SPATA22: variants seen among roughly 807,000 people sequenced by gnomAD.
SPATA22 encodes the protein spermatogenesis associated 22.
A neutral mutation model predicts 47.8 loss-of-function variants in SPATA22; 29 were observed. The ratio of observed to expected loss-of-function variants is 0.61; its 90% CI spans 0.45 to 0.83. SPATA22 has a LOEUF of 0.83. Among genes scored for constraint, SPATA22 ranks in the 40% least tolerant of loss-of-function variants. The probability of loss-of-function intolerance (pLI) is 0.00; values close to 1 mark genes in which losing one functional copy is unlikely to be tolerated. For missense variants in SPATA22, 410 were observed against 421.7 expected, an observed-to-expected ratio of 0.97 and a Z score of 0.24; for synonymous variants, 133 against 140.9, an observed-to-expected ratio of 0.94 and a Z score of 0.40.
Position 3,465,171 on chromosome 17 carries a change from C to A in SPATA22, c.172+2255G>T, listed in dbSNP as rs1436037373. Among the ~76,000 whole-genome samples the A allele has an allele frequency of 9.1e-4, 123 of 135,448 alleles. 4 individuals are homozygous for A. Among genetic ancestry groups the A allele is most frequent in the African/African-American group, 1.3e-3 (47 of 36,462 alleles). 88.9% of individuals were successfully genotyped at this position (135,448 alleles called of 152,430 possible). A position where few individuals can be genotyped will look rare whatever the true frequency, so the allele number is the denominator to read the frequency against. On this transcript the variant is annotated intron_variant, in intron 3 of 8. Transcript: ENST00000572969. ...GAGGGAGGTGGGGGGGTCAGCCCCCCGCCCGGCCAGCCGCCTCGTCCAGGA... is the reference window on the plus strand; with the variant it reads ...GAGGGAGGTGGGGGGGTCAGCCCCCAGCCCGGCCAGCCGCCTCGTCCAGGA...
At position 3,443,206 on chromosome 17, in the gene SPATA22, T is replaced by C. The variant is rs2072636272; in HGVS notation, c.868A>G (p.Lys290Glu). ...TAAAAGACACAAGGCAGAGTATTTT[T>C]CCCATCCCTCATAAGAAAAGTCTTC... Reference protein sequence around the residue: ...YSKTFLMRDGKNTLPCVFYEI... With the variant: ...YSKTFLMRDGENTLPCVFYEI... Residue 290 changes from lysine to glutamate, a missense_variant, in exon 8 of 9, where the codon AAA (lysine) becomes GAA (glutamate). Physicochemically the swap from Lys to Glu is moderately conservative, Grantham distance 56. Transcript: ENST00000572969. 6.2e-7 allele frequency: 1 copy of C among 1,610,846 alleles called. No homozygotes were observed. Among genetic ancestry groups the C allele is most frequent in the East Asian group, 2.2e-5 (1 of 44,722 alleles).
Position 3,443,163 on chromosome 17 carries a change from A to C in SPATA22, c.900+11T>G, listed in dbSNP as rs754327288. 3 of 1,588,174 alleles carry C rather than the reference A, an allele frequency of 1.9e-6. No individual in the cohort carries two copies. Among genetic ancestry groups the C allele is most frequent in the South Asian group, 2.3e-5 (2 of 88,504 alleles). Reference sequence around the variant, plus strand: ...CATAGGCTTCGCAAAGAGTACTTTAAAAATACTCACGATTTCATAAAAGAC... The same window carrying C: ...CATAGGCTTCGCAAAGAGTACTTTACAAATACTCACGATTTCATAAAAGAC... On this transcript the variant is annotated intron_variant, in intron 8 of 8. Transcript: ENST00000572969.
chr17:3,483,187 A>T (rs1375405084), intron 1 of SPATA22, among the ~76,000 whole-genome samples: 3 of 152,138 alleles, frequency 2.0e-5, no homozygotes, highest in Admixed American at 6.5e-5. Flanking sequence ...GTGATGAAAC[A>T]AAAATCACCA....
At chr17:3,451,273 C>T (rs1373886045) in intron 5 of SPATA22, among the ~76,000 whole-genome samples, 1 of 151,986 alleles carries the variant, frequency 6.6e-6, no homozygotes, top group East Asian at 1.9e-4. Context: ...AAATTGTGAA[C>T]ATATATACAT....
chr17:3,467,584 A>G (rs2073344995), intron 2 of SPATA22, 30 bp from the exon 3 acceptor site: 3 of 1,570,578 alleles, frequency 1.9e-6, no homozygotes, highest in Non-Finnish European at 2.6e-6. Flanking sequence ...AAATTAGTAC[A>G]TAATAGACAA....
intron 1 of SPATA22, among the ~76,000 whole-genome samples, chr17:3,486,282 C>T (rs941488662): frequency 6.6e-6 from 1 of 152,162 alleles, no homozygotes; most frequent in Non-Finnish European, 1.5e-5. Flanking sequence ...GCCCTTTGCT[C>T]CAGGGAAGAC....
intron 1 of SPATA22, among the ~76,000 whole-genome samples, chr17:3,504,891 CCT>C (rs746973747): frequency 7.2e-5 from 11 of 152,208 alleles, no homozygotes; most frequent in African/African-American, 1.4e-4. Context: ...CAACAATTCC[CCT>C]GTTTACAATC....
chr17:3,505,750 T>C (rs373307397), intron 1 of SPATA22, among the ~76,000 whole-genome samples: 1 of 20,670 alleles, frequency 4.8e-5, no homozygotes, highest in East Asian at 4.5e-4. Flanking sequence ...TTGTTTGTTG[T>C]TTTTTGTTTT....
At chr17:3,465,452 T>G (rs1422458631) in intron 3 of SPATA22, among the ~76,000 whole-genome samples, 1 of 152,120 alleles carries the variant, frequency 6.6e-6, no homozygotes, top group Non-Finnish European at 1.5e-5. Flanking sequence ...TCTTCTGCCT[T>G]GGGATCCTGT....
Position 3,443,251 on chromosome 17 carries a change from T to C in SPATA22, c.823A>G (p.Thr275Ala). The C allele has an allele frequency of 6.2e-7, 1 of 1,610,098 alleles. No homozygotes were observed. The highest frequency in any genetic ancestry group is 8.5e-7 in the Non-Finnish European group (1 of 1,177,790). ...EVLAVLDSAV[T>A]PGPYYSKTFL... ...GTCTTCGAATAATATGGGCCAGGTGTAACAGCTGAATCAAGAACAGCTAAG... is the reference window on the plus strand; with the variant it reads ...GTCTTCGAATAATATGGGCCAGGTGCAACAGCTGAATCAAGAACAGCTAAG... The change falls in exon 8 of 9, where the codon ACA becomes GCA. Residue 275 changes from threonine to alanine, a missense_variant. Coordinates refer to ENST00000572969, the MANE Select transcript of SPATA22 (RefSeq NM_001170698.2).
rs910287171 is a variant in SPATA22 at position 3,490,491 on chromosome 17, T to C, written c.-73-21093A>G. Among the ~76,000 whole-genome samples the C allele has an allele frequency of 3.3e-5, 5 of 151,952 alleles. No homozygotes were observed. Among genetic ancestry groups the C allele is most frequent in the Admixed American group, 6.6e-5 (1 of 15,238 alleles). On this transcript the variant is annotated intron_variant, in intron 1 of 8. Transcript: ENST00000541913. This position sits in a 1 kb window ranked among gnomAD's most constrained non-coding sequence, Gnocchi z 4.6. ...TGGGCAATTATAATAACAGAGGGGGTGTGTACTTCGGTGTCTGTGGGGAGT... is the reference window on the plus strand; with the variant it reads ...TGGGCAATTATAATAACAGAGGGGGCGTGTACTTCGGTGTCTGTGGGGAGT...
intron 6 of SPATA22, 53 bp from the exon 7 acceptor site, chr17:3,446,654 A>G (rs1462419159): frequency 4.5e-6 from 6 of 1,342,538 alleles, no homozygotes; most frequent in Middle Eastern, 2.6e-4. Context: ...TTTTTTCATC[A>G]TACTCGTTTA....
upstream of SPATA22, chr17:3,476,053 C>T (rs1443405213): frequency 1.9e-6 from 2 of 1,053,072 alleles, no homozygotes; most frequent in Non-Finnish European, 2.9e-6. Context: ...TGTACTTTGC[C>T]CTTTGGGTAA....
intron 1 of SPATA22, chr17:3,481,490 A>AT: frequency 1.0e-6 from 1 of 984,494 alleles, no homozygotes; most frequent in Non-Finnish European, 1.5e-6. Context: ...TACCACACAG[A>AT]TTTTTCATAT....
chr17:3,454,986 G>A (rs1220461071), intron 5 of SPATA22, among the ~76,000 whole-genome samples: 7 of 151,568 alleles, frequency 4.6e-5, no homozygotes, highest in East Asian at 3.9e-4. Flanking sequence ...TTTAATGATC[G>A]CCATTCTAAC....
intron 1 of SPATA22, among the ~76,000 whole-genome samples, chr17:3,503,724 T>C (rs1394514230): frequency 6.6e-6 from 1 of 152,216 alleles, no homozygotes; most frequent in African/African-American, 2.4e-5. Flanking sequence ...ATCTATAACA[T>C]ATTGCTGTGT....
chr17:3,506,280 C>T (rs1237758038), intron 1 of SPATA22, among the ~76,000 whole-genome samples: 1 of 152,104 alleles, frequency 6.6e-6, no homozygotes, highest in African/African-American at 2.4e-5. Flanking sequence ...GTGGGTTGCA[C>T]AATATGAAAC....
At chr17:3,503,235 A>G (rs1348721340) in intron 1 of SPATA22, 2 of 152,218 alleles carry the variant, frequency 1.3e-5, no homozygotes, top group African/African-American at 4.8e-5. Context: ...ATGAATAAAT[A>G]TTATATATTT....
intron 3 of SPATA22, among the ~76,000 whole-genome samples, chr17:3,465,542 AGTGCAAGAT>A (rs1379038445): frequency 1.3e-5 from 2 of 151,430 alleles, no homozygotes; most frequent in Non-Finnish European, 2.9e-5. Flanking sequence ...GATTAAGGGC[AGTGCAAGAT>A]GTGCTTTGTT....
Sources: allele counts gnomAD v4.1 joint callset (sites outside exome capture counted in the v4.1 genomes callset), GRCh38; gene constraint gnomAD v4.1.1; non-coding constraint Gnocchi (gnomAD v3.1); transcripts MANE v1.5; gene names NCBI Gene and HGNC (gene_info 2026-07-23, HGNC 2026-07-21).